The following PRORP variants were observed in gnomAD, a reference collection of about 807,000 sequenced individuals.
PRORP encodes the protein mitochondrial ribonuclease P catalytic subunit.
In PRORP, 51 loss-of-function variants were observed where a neutral mutation model predicts 59.4. The observed-to-expected ratio is 0.86, with a 90% CI of 0.69 to 1.08. PRORP has a LOEUF of 1.08. Among genes scored for constraint, PRORP ranks in the 50% least tolerant of loss-of-function variants. PRORP has a pLI of 0.00. For synonymous variants in PRORP, 231 were observed against 245.6 expected (o/e 0.94, Z 0.55); for missense variants, 646 against 690.3 (o/e 0.94, Z 0.72).
In PRORP at chr14:35,253,712, G is replaced by C. The variant is rs111632549; in HGVS notation, c.1276-13015G>C. ...CCACACTTTGGTTCTTATCTGACAT[G>C]GTGTCCCCGTAGCACTGGTACATAG... On this transcript the variant is annotated intron_variant, in intron 5 of 7. Coordinates refer to ENST00000534898, the MANE Select transcript of PRORP (RefSeq NM_014672.4). Among the ~76,000 whole-genome samples, 2 of 152,156 alleles carry C rather than the reference G, an allele frequency of 1.3e-5. 1 individual carries two copies. Among genetic ancestry groups the C allele is most frequent in the African/African-American group, 4.8e-5 (2 of 41,510 alleles).
intron 5 of PRORP, among the ~76,000 whole-genome samples, chr14:35,186,944 G>T (rs2048757429): frequency 1.3e-5 from 2 of 151,960 alleles, no homozygotes; most frequent in African/African-American, 2.4e-5. Flanking sequence ...TTTTCACTTA[G>T]CATAGTGTTT....
chr14:35,266,534 G>A (rs1356674718), intron 5 of PRORP, among the ~76,000 whole-genome samples, 193 bp from the exon 6 acceptor site: 1 of 152,126 alleles, frequency 6.6e-6, no homozygotes, highest in Non-Finnish European at 1.5e-5. Flanking sequence ...CCAGCAGGCA[G>A]ATGTTAGACA....
intron 5 of PRORP, among the ~76,000 whole-genome samples, chr14:35,191,656 TC>T (rs2048886787): frequency 3.3e-5 from 5 of 152,144 alleles, no homozygotes; most frequent in Admixed American, 3.3e-4. Context: ...TGAGGTGTGA[TC>T]ATGCCACTGC....
intron 4 of PRORP, among the ~76,000 whole-genome samples, chr14:35,139,970 C>T (rs1247719770): frequency 1.4e-5 from 2 of 145,462 alleles, no homozygotes; most frequent in Admixed American, 7.2e-5. Context: ...TTCATGTGGC[C>T]TTTGTGTGTG....
At chr14:35,174,719 G>A (rs975747773) in intron 4 of PRORP, among the ~76,000 whole-genome samples, 5 of 150,064 alleles carry the variant, frequency 3.3e-5, no homozygotes, top group African/African-American at 1.2e-4. Context: ...AGGACTTAGA[G>A]ATTTTGACAG....
intron 4 of PRORP, among the ~76,000 whole-genome samples, chr14:35,138,792 T>TA (rs1392564903): frequency 7.5e-6 from 1 of 133,516 alleles, no homozygotes; most frequent in Non-Finnish European, 1.7e-5. Flanking sequence ...CCACTAAAGA[T>TA]ATTGATTTTT....
intron 5 of PRORP, among the ~76,000 whole-genome samples, chr14:35,258,639 G>A (rs2050820083): frequency 6.6e-6 from 1 of 152,058 alleles, no homozygotes; most frequent in South Asian, 2.1e-4. Flanking sequence ...TGTTGTGTGG[G>A]ATGGGGCAGG....
Position 35,123,010 on chromosome 14 carries a change from G to A in PRORP, c.-236G>A, listed in dbSNP as rs1265577553. On this transcript the variant is annotated 5_prime_UTR_variant, in exon 2 of 8. Coordinates refer to ENST00000534898, the MANE Select transcript of PRORP (RefSeq NM_014672.4). ...ATTCCTGCTCTGTCCCCTGGTTTGC[G>A]GCTTGCGACGTTGGACATCCCCGGA... 3 of 512,334 alleles carry A rather than the reference G, an allele frequency of 5.9e-6. No homozygotes were observed. The highest frequency in any genetic ancestry group is 1.1e-5 in the Non-Finnish European group (3 of 285,378). 31.7% of individuals were successfully genotyped at this position (512,334 alleles called of 1,614,324 possible). A position where few individuals can be genotyped will look rare whatever the true frequency, so the allele number is the denominator to read the frequency against.
intron 5 of PRORP, among the ~76,000 whole-genome samples, chr14:35,238,452 G>A (rs1056467898): frequency 6.6e-6 from 1 of 152,136 alleles, no homozygotes; most frequent in Non-Finnish European, 1.5e-5. Context: ...CAGGTTGTAG[G>A]AAAGTTAACC....
chr14:35,253,734 A>G (rs1467898608), intron 5 of PRORP, among the ~76,000 whole-genome samples: 4 of 152,128 alleles, frequency 2.6e-5, no homozygotes, highest in African/African-American at 9.7e-5. Context: ...GCACTGGTAC[A>G]TAGCTGCTCC....
In PRORP at chr14:35,273,695, A is replaced by G. The variant is rs2051253867; in HGVS notation, c.*129A>G. 5 of 774,354 alleles carry G rather than the reference A, an allele frequency of 6.5e-6. No homozygotes were observed. The South Asian group carries it at 1.2e-4, about 19-fold the overall frequency. The allele number at this position is 774,354 out of a possible 1,614,324, so 48.0% of individuals were successfully genotyped here. A position where few individuals can be genotyped will look rare whatever the true frequency, so the allele number is the denominator to read the frequency against. On this transcript the variant is annotated 3_prime_UTR_variant, in exon 8 of 8. Coordinates refer to ENST00000534898, the MANE Select transcript of PRORP (RefSeq NM_014672.4). ...TAAAAGGATTCTATTAACAGCATTG[A>G]CATTGATTTTTTAATGAAATGAGAT...
intron 5 of PRORP, among the ~76,000 whole-genome samples, chr14:35,196,997 G>A (rs1399036160): frequency 2.6e-5 from 4 of 152,200 alleles, no homozygotes; most frequent in Admixed American, 2.0e-4. Flanking sequence ...CTTTTCAAAT[G>A]TCCCAGAAAG....
intron 5 of PRORP, among the ~76,000 whole-genome samples, chr14:35,194,514 C>T (rs2048961530): frequency 6.6e-6 from 1 of 152,006 alleles, no homozygotes; most frequent in South Asian, 2.1e-4. Context: ...AGGGGAGCAT[C>T]ACACACCAGG....
chr14:35,200,957 G>A (rs914815196), intron 5 of PRORP, among the ~76,000 whole-genome samples: 6 of 151,778 alleles, frequency 4.0e-5, no homozygotes, highest in African/African-American at 1.5e-4. Context: ...TGTTTTTTTA[G>A]GCTTCTTGTT....
At chr14:35,191,468 G>C (rs1028508352) in intron 5 of PRORP, among the ~76,000 whole-genome samples, 4 of 152,170 alleles carry the variant, frequency 2.6e-5, no homozygotes, top group African/African-American at 9.7e-5. Context: ...TCAGGAGGCT[G>C]AGGCGGGAGA....
chr14:35,157,274 T>C (rs1328331345), intron 4 of PRORP, among the ~76,000 whole-genome samples: 2 of 152,044 alleles, frequency 1.3e-5, no homozygotes, highest in Non-Finnish European at 2.9e-5. Flanking sequence ...TTTCAAAATA[T>C]ACTTAGGAGC....
intron 5 of PRORP, among the ~76,000 whole-genome samples, chr14:35,261,653 C>A (rs2050906950): frequency 6.6e-6 from 1 of 152,010 alleles, no homozygotes; most frequent in African/African-American, 2.4e-5. Flanking sequence ...CACTTGAACC[C>A]AGGAGGCGGA....
At chr14:35,125,720 T>G (rs919283230) in intron 2 of PRORP, among the ~76,000 whole-genome samples, 3 of 152,210 alleles carry the variant, frequency 2.0e-5, no homozygotes, top group African/African-American at 7.2e-5. Flanking sequence ...TTTTATTCTG[T>G]TATCAAGAAT....
chr14:35,272,339 G>A (rs2051214833), intron 7 of PRORP, among the ~76,000 whole-genome samples: 1 of 152,174 alleles, frequency 6.6e-6, no homozygotes, highest in Non-Finnish European at 1.5e-5. Context: ...AAGGCTGGGT[G>A]CAGTGGCTCA....
Sources: gnomAD v4.1 joint callset for allele counts (sites outside exome capture counted in the v4.1 genomes callset) on GRCh38, gnomAD v4.1.1 for gene constraint, MANE v1.5 for transcripts, NCBI Gene and HGNC (gene_info 2026-07-23, HGNC 2026-07-21) for gene names.